KPTN: variants seen among roughly 807,000 people sequenced by gnomAD.
The protein encoded by KPTN is kaptin, actin binding protein, also known as KICSTOR complex protein kaptin.
KPTN carries 36 observed loss-of-function variants against 52.6 expected under a neutral mutation model. That is an observed-to-expected ratio of 0.68 (90% CI 0.52 to 0.90). The LOEUF (loss-of-function observed/expected upper bound fraction) is 0.90, where lower values mean the gene tolerates loss of function less well. Ranked by LOEUF, KPTN falls within the 40% of genes least tolerant of loss-of-function variation. The probability of loss-of-function intolerance (pLI) is 0.00; values close to 1 mark genes in which losing one functional copy is unlikely to be tolerated. For synonymous variants in KPTN, 271 were observed against 248.4 expected (o/e 1.09, Z -0.85); for missense variants, 529 against 576.2 (o/e 0.92, Z 0.84).
chr19:47,480,539 C>T (rs1218011469), intron 6 of KPTN, 132 bp from the exon 7 acceptor site: 1 of 753,760 alleles, frequency 1.3e-6, no homozygotes, highest in Non-Finnish European at 2.2e-6. Flanking sequence ...GGATAATCCC[C>T]ACCGCCCAAT....
At chr19:47,481,120 G>A in intron 4 of KPTN, 87 bp from the exon 5 acceptor site, 7 of 1,056,398 alleles carry the variant, frequency 6.6e-6, no homozygotes, top group East Asian at 2.6e-5. Context: ...ACCCCTGCCT[G>A]TTGAGAACCT....
rs1967717104 is a variant in KPTN at position 47,477,611 on chromosome 19, C to A, written c.863+95G>T. On this transcript the variant is annotated intron_variant, in intron 9 of 11. Transcript: ENST00000338134. ...CTGTACTTGTCCAGCTCTGGGTAAT[C>A]CACCCAGAGGAACTTACTGTAGAGA... 4 of 930,598 alleles carry A rather than the reference C, an allele frequency of 4.3e-6. No homozygotes were observed. The Admixed American group carries it at 7.3e-5, about 17-fold the overall frequency. The allele number at this position is 930,598 out of a possible 1,614,324, so 57.6% of individuals were successfully genotyped here.
chr19:47,477,571 C>T, intron 9 of KPTN, 135 bp downstream of exon 9: 5 of 659,004 alleles, frequency 7.6e-6, no homozygotes, highest in South Asian at 6.8e-5. Context: ...GCCCCCACCC[C>T]TGGGTCACGA....
Position 47,480,702 on chromosome 19 carries a change from C to T in KPTN, c.599+58G>A, listed in dbSNP as rs946161847. Reference sequence around the variant, plus strand: ...CCAATTTCTCTAAGGTCTCACCGCCCGATTTCTCTGATGTCAGTGCCCCGG... The same window carrying T: ...CCAATTTCTCTAAGGTCTCACCGCCTGATTTCTCTGATGTCAGTGCCCCGG... On this transcript the variant is annotated intron_variant, in intron 6 of 11. Transcript: ENST00000338134. 27 of 1,517,924 alleles carry T rather than the reference C, an allele frequency of 1.8e-5. No individual in the cohort carries two copies. In the Admixed American group the frequency reaches 3.7e-4, roughly 21 times the overall value. 94.0% of individuals were successfully genotyped at this position (1,517,924 alleles called of 1,614,324 possible). A position where few individuals can be genotyped will look rare whatever the true frequency, so the allele number is the denominator to read the frequency against.
upstream of KPTN, chr19:47,484,323 C>A (rs1033346143): frequency 4.0e-5 from 34 of 856,642 alleles, no homozygotes; most frequent in Non-Finnish European, 5.9e-5. Flanking sequence ...GGCCAGGTCG[C>A]CTGCTCGGGC....
At chr19:47,476,499 C>A in intron 11 of KPTN, 33 bp downstream of exon 11, 2 of 1,553,668 alleles carry the variant, frequency 1.3e-6, no homozygotes, top group South Asian at 1.2e-5. Context: ...CTGCTGAGGT[C>A]GACTCCCCTC....
At chr19:47,475,870 A>G (rs1372180144) in intron 11 of KPTN, among the ~76,000 whole-genome samples, 1 of 152,082 alleles carries the variant, frequency 6.6e-6, no homozygotes, top group East Asian at 1.9e-4. Context: ...CTGAGGCAGG[A>G]CAATCACTTG....
intron 8 of KPTN, among the ~76,000 whole-genome samples, chr19:47,479,162 C>T (rs891410101): frequency 6.6e-5 from 10 of 152,202 alleles, no homozygotes; most frequent in South Asian, 2.1e-4. Context: ...CCTGCCTCAG[C>T]CTTCCGAGTA....
chr19:47,483,775 A>C, intron 1 of KPTN, 160 bp downstream of exon 1: 1 of 1,044,444 alleles, frequency 9.6e-7, no homozygotes, highest in Non-Finnish European at 1.4e-6. Flanking sequence ...CCCTAGGCTC[A>C]TCCGGGCCCC....
intron 1 of KPTN, 65 bp downstream of exon 1, chr19:47,483,870 G>C: frequency 6.3e-7 from 1 of 1,594,378 alleles, no homozygotes; most frequent in South Asian, 1.1e-5. Context: ...CTCAGACAGA[G>C]CCTCAGAAGC....
chr19:47,478,566 C>CAAAAAAAAA (rs1568454864), intron 8 of KPTN, among the ~76,000 whole-genome samples: 1 of 2,822 alleles, frequency 3.5e-4, no homozygotes, highest in African/African-American at 4.4e-4. Context: ...AAGACTCTGT[C>CAAAAAAAAA]TAAAAAAAAA....
chr19:47,482,868 A>G (rs57578073), intron 4 of KPTN, among the ~76,000 whole-genome samples: 8 of 152,072 alleles, frequency 5.3e-5, no homozygotes, highest in Middle Eastern at 3.4e-3. Flanking sequence ...CACCATGCCC[A>G]GCTAATTTTT....
At chr19:47,480,243 C>A in intron 7 of KPTN, 55 bp downstream of exon 7, 1 of 696,908 alleles carries the variant, frequency 1.4e-6, no homozygotes, top group South Asian at 1.5e-5. Context: ...CCCACCCTGG[C>A]CCCGCCCTCT....
intron 1 of KPTN, 77 bp downstream of exon 1, chr19:47,483,858 G>GT: frequency 6.3e-7 from 1 of 1,578,148 alleles, no homozygotes; most frequent in Non-Finnish European, 8.6e-7. Flanking sequence ...ACGGTGACCC[G>GT]GCTCAGACAG....
intron 4 of KPTN, 95 bp downstream of exon 4, chr19:47,483,066 C>CA: frequency 8.1e-7 from 1 of 1,230,450 alleles, no homozygotes; most frequent in South Asian, 1.2e-5. Flanking sequence ...GAAGGGGAAA[C>CA]AGACTACAGG....
chr19:47,476,837 C>T lies in KPTN; in HGVS notation c.965G>A (p.Gly322Glu). The T allele has an allele frequency of 6.3e-7, 1 of 1,580,478 alleles. No individual in the cohort carries two copies. Among genetic ancestry groups the T allele is most frequent in the Non-Finnish European group, 8.6e-7 (1 of 1,162,856 alleles). The change falls in exon 10 of 12, where the codon GGG becomes GAG. Residue 322 changes from glycine to glutamate, a missense_variant. Physicochemically the swap from Gly to Glu is moderately conservative, Grantham distance 98. Transcript: ENST00000338134. ...GGTGGCCACCAGGACTTCTGGCCGC[C>T]CATCCAAATCCACATCGGTGACCAG... ...CSLVTDVDLDGRPEVLVATYG... is the reference protein window; with the variant it reads ...CSLVTDVDLDERPEVLVATYG...
In KPTN at chr19:47,478,786, CAT is replaced by C. The variant is rs149461162; in HGVS notation, c.788-1007_788-1006del. 3.3e-3 allele frequency among the ~76,000 whole-genome samples: 509 copies of C among 152,176 alleles called. 3 individuals are homozygous for C. Among genetic ancestry groups the C allele is most frequent in the African/African-American group, 0.012 (482 of 41,516 alleles). ...GAGACCATTATTCTAAGTGCAGTAA[CAT>C]AGGAGTGGAAAACCAAAAAATGTAT... On this transcript the variant is annotated intron_variant, in intron 8 of 11. Transcript: ENST00000338134.
intron 8 of KPTN, 121 bp downstream of exon 8, chr19:47,479,742 G>A (rs1161823574): frequency 2.1e-5 from 15 of 727,036 alleles, no homozygotes; most frequent in Non-Finnish European, 3.6e-5. Flanking sequence ...CCAGGAGAGA[G>A]GGACTGGGGT....
rs537157391 is a variant in KPTN at position 47,480,195 on chromosome 19, A to C, written c.709+103T>G. ...CCCACCCTCATCCCTCAACCCACTT[A>C]TCCTCCTCCCCTACCCCACCCAGCT... On this transcript the variant is annotated intron_variant, in intron 7 of 11. Transcript: ENST00000338134. 2.9e-4 allele frequency: 148 copies of C among 506,890 alleles called. 1 individual carries two copies. The African/African-American group carries it at 4.0e-3, about 14-fold the overall frequency. The allele number at this position is 506,890 out of a possible 1,614,324, so 31.4% of individuals were successfully genotyped here. A position where few individuals can be genotyped will look rare whatever the true frequency, so the allele number is the denominator to read the frequency against.
Sources: allele counts gnomAD v4.1 joint callset (sites outside exome capture counted in the v4.1 genomes callset), GRCh38; gene constraint gnomAD v4.1.1; transcripts MANE v1.5; gene names NCBI Gene and HGNC (gene_info 2026-07-23, HGNC 2026-07-21).